Variants in GPHN observed in about 807,000 individuals in gnomAD.
The protein encoded by GPHN is gephyrin.
GPHN carries 17 observed loss-of-function variants against 95.5 expected under a neutral mutation model. The ratio of observed to expected loss-of-function variants is 0.18; its 90% CI spans 0.12 to 0.27. The LOEUF (loss-of-function observed/expected upper bound fraction) is 0.27. Among genes scored for constraint, GPHN ranks in the 10% least tolerant of loss-of-function variants. The probability of loss-of-function intolerance (pLI) is 1.00; values close to 1 mark genes in which losing one functional copy is unlikely to be tolerated. For missense variants in GPHN, 660 were observed against 978.1 expected, an observed-to-expected ratio of 0.67 and a Z score of 4.34; for synonymous variants, 320 against 322.5, an observed-to-expected ratio of 0.99 and a Z score of 0.08.
intron 2 of GPHN, among the ~76,000 whole-genome samples, chr14:66,761,729 G>C (rs1227888141): frequency 1.4e-5 from 2 of 146,592 alleles, no homozygotes; most frequent in Admixed American, 1.4e-4. Flanking sequence ...GCGTGATCTT[G>C]GCTCACTGCA....
At chr14:67,117,363 G>C (rs1220991673) in intron 16 of GPHN, among the ~76,000 whole-genome samples, 1 of 152,184 alleles carries the variant, frequency 6.6e-6, no homozygotes, top group Non-Finnish European at 1.5e-5. Flanking sequence ...GGTTGTCCTT[G>C]ATGAAATTAT....
chr14:66,769,184 C>G (rs1322102237), intron 2 of GPHN, among the ~76,000 whole-genome samples: 2 of 152,014 alleles, frequency 1.3e-5, no homozygotes, highest in African/African-American at 4.8e-5. Context: ...AATTACCAAT[C>G]ATCTATGAAA....
At chr14:66,878,311 G>A (rs934806606) in intron 4 of GPHN, among the ~76,000 whole-genome samples, 5 of 152,038 alleles carry the variant, frequency 3.3e-5, no homozygotes, top group Non-Finnish European at 7.4e-5. Flanking sequence ...CATGGGCAAA[G>A]ACTTCATGAC....
chr14:66,782,457 G>A (rs980525569), intron 3 of GPHN, among the ~76,000 whole-genome samples: 1 of 152,088 alleles, frequency 6.6e-6, no homozygotes, highest in Non-Finnish European at 1.5e-5. Context: ...AGCCAAGATG[G>A]AGTAGCTTTA....
chr14:67,699,985 C>T, the GPHN span, among the ~76,000 whole-genome samples: 1 of 151,840 alleles, frequency 6.6e-6, no homozygotes, highest in Admixed American at 6.6e-5. Context: ...ACTAAAAATA[C>T]AAAAATCAGC....
chr14:67,622,194 C>T, the GPHN span, among the ~76,000 whole-genome samples: 1 of 152,200 alleles, frequency 6.6e-6, no homozygotes, highest in Non-Finnish European at 1.5e-5. Flanking sequence ...ATGTTTGGAT[C>T]ATTCACATAT....
At chr14:66,655,552 A>C (rs1394298444) in intron 1 of GPHN, among the ~76,000 whole-genome samples, 1 of 152,062 alleles carries the variant, frequency 6.6e-6, no homozygotes, top group East Asian at 1.9e-4. Context: ...AAATAGGGAC[A>C]GTTTATCTCC....
At chr14:66,706,411 T>G (rs2069085100) in intron 2 of GPHN, among the ~76,000 whole-genome samples, 1 of 152,124 alleles carries the variant, frequency 6.6e-6, no homozygotes, top group Non-Finnish European at 1.5e-5. Context: ...GACTTCAAAC[T>G]ATACTACAAG....
chr14:67,522,659 G>A, the GPHN span, among the ~76,000 whole-genome samples: 2 of 152,234 alleles, frequency 1.3e-5, no homozygotes, highest in Non-Finnish European at 1.5e-5. Flanking sequence ...CCAAGTCACA[G>A]CTAGGTCCTG....
At chr14:67,019,380 T>C (rs2153622986) in intron 9 of GPHN, among the ~76,000 whole-genome samples, 1 of 152,292 alleles carries the variant, frequency 6.6e-6, no homozygotes, top group Non-Finnish European at 1.5e-5. Context: ...CCTAATGTCC[T>C]TCAAAGAAGA....
chr14:67,510,371 C>T, the GPHN span, among the ~76,000 whole-genome samples: 1 of 152,166 alleles, frequency 6.6e-6, no homozygotes, highest in African/African-American at 2.4e-5. Flanking sequence ...CTTTGCCAAC[C>T]ATCAGCTCAC....
chr14:66,848,605 C>T (rs916817644), intron 4 of GPHN, among the ~76,000 whole-genome samples: 1 of 151,600 alleles, frequency 6.6e-6, no homozygotes, highest in Non-Finnish European at 1.5e-5. Context: ...GATATGTGTT[C>T]AACTACAGCA....
chr14:67,582,227 G>GA, the GPHN span: 1 of 1,613,528 alleles, frequency 6.2e-7, no homozygotes, highest in South Asian at 1.1e-5. The surrounding 1 kb of genome is among the most constrained non-coding windows in gnomAD (Gnocchi z 5.0). Context: ...TTCTGTTCAG[G>GA]AAGCAGGAGG....
chr14:67,179,748 T>C, intron 22 of GPHN, 74 bp downstream of exon 22: 1 of 817,824 alleles, frequency 1.2e-6, no homozygotes, highest in Admixed American at 1.8e-5. Context: ...TAATCTTCCT[T>C]GGTTATGACT....
chr14:67,123,461 G>A (rs1381899299), intron 17 of GPHN, among the ~76,000 whole-genome samples: 1 of 152,190 alleles, frequency 6.6e-6, no homozygotes, highest in African/African-American at 2.4e-5. Flanking sequence ...GATCACTTGA[G>A]GCCAGGAGTT....
intron 17 of GPHN, among the ~76,000 whole-genome samples, chr14:67,131,630 T>G (rs1051880811): frequency 3.9e-5 from 6 of 152,130 alleles, no homozygotes; most frequent in African/African-American, 1.4e-4. Flanking sequence ...GGTGGTTCAT[T>G]TTATATTTCT....
chr14:67,489,477 G>A, the GPHN span, among the ~76,000 whole-genome samples: 1 of 152,162 alleles, frequency 6.6e-6, no homozygotes, highest in Non-Finnish European at 1.5e-5. Context: ...TGCCTGAGAC[G>A]CTGCTGGGAG....
At chr14:67,234,250 T>A in the GPHN span, among the ~76,000 whole-genome samples, 2 of 152,218 alleles carry the variant, frequency 1.3e-5, no homozygotes, top group Non-Finnish European at 2.9e-5. Flanking sequence ...AGAAGTAAAA[T>A]ATTCAATTTT....
At chr14:67,726,244 G>A in the GPHN span, 9 of 852,234 alleles carry the variant, frequency 1.1e-5, no homozygotes, top group Admixed American at 1.2e-4. Flanking sequence ...AGAATGTCCA[G>A]GGGCCTTCAT....
Sources: gnomAD v4.1 joint callset for allele counts (sites outside exome capture counted in the v4.1 genomes callset) on GRCh38, gnomAD v4.1.1 for gene constraint, Gnocchi (gnomAD v3.1) non-coding constraint, MANE v1.5 for transcripts, NCBI Gene and HGNC (gene_info 2026-07-23, HGNC 2026-07-21) for gene names.